The following MYT1L variants were observed in gnomAD, a reference collection of about 807,000 sequenced individuals.
MYT1L encodes the protein myelin transcription factor 1-like protein.
In MYT1L, 12 loss-of-function variants were observed where a neutral mutation model predicts 126.7. The ratio of observed to expected loss-of-function variants is 0.09; its 90% confidence interval spans 0.06 to 0.15. MYT1L has a LOEUF of 0.15. Among genes scored for constraint, MYT1L ranks in the 10% least tolerant of loss-of-function variants. The pLI is 1.00. For missense variants in MYT1L, 979 were observed against 1,585.2 expected (o/e 0.62, Z 6.49); for synonymous variants, 541 against 604.2 (o/e 0.90, Z 1.53).
chr2:2,139,116 G>A (rs2083535606), intron 3 of MYT1L, among the ~76,000 whole-genome samples: 1 of 151,134 alleles, frequency 6.6e-6, no homozygotes, highest in South Asian at 2.1e-4. Context: ...TCTACCAAGA[G>A]GCGTGAATCT....
At chr2:2,308,767 C>A (rs1339091489) in intron 1 of MYT1L, among the ~76,000 whole-genome samples, 1 of 151,626 alleles carries the variant, frequency 6.6e-6, no homozygotes, top group African/African-American at 2.4e-5. Context: ...ACACTCTACC[C>A]ATACCTTCAG....
chr2:1,903,060 T>C lies in MYT1L; in HGVS notation c.2032+20A>G. ...TCAATGGCAACGTGTCTCTCATGTA[T>C]AAGAGTGTGCACCTCCTACCATCAT... On this transcript the variant is annotated intron_variant, in intron 14 of 24. Coordinates refer to ENST00000647738, the MANE Select transcript of MYT1L (RefSeq NM_001303052.2). 1.3e-6 allele frequency: 2 copies of C among 1,598,698 alleles called. No homozygotes were observed. The highest frequency in any genetic ancestry group is 1.7e-6 in the Non-Finnish European group (2 of 1,165,984).
At chr2:2,178,258 G>A (rs937425006) in intron 2 of MYT1L, among the ~76,000 whole-genome samples, 2 of 152,070 alleles carry the variant, frequency 1.3e-5, no homozygotes, top group South Asian at 2.1e-4. Context: ...CACTCCCAAA[G>A]TCACGTAATA....
At position 2,023,295 on chromosome 2, in the gene MYT1L, G is replaced by A. The variant is rs569183360; in HGVS notation, c.-157-25948C>T. Among the ~76,000 whole-genome samples, 30 of 152,268 alleles carry A rather than the reference G, an allele frequency of 2.0e-4. No individual in the cohort carries two copies. The East Asian group carries it at 4.8e-3, about 25-fold the overall frequency. On this transcript the variant is annotated intron_variant, in intron 4 of 24. Transcript: ENST00000647738. ...GTGTTGGGCTGGACTGCATAGACTC[G>A]TGCATGAACTGTTCATCTCAGCTGT...
chr2:1,861,181 G>A (rs976095697), intron 18 of MYT1L, among the ~76,000 whole-genome samples: 1 of 152,192 alleles, frequency 6.6e-6, no homozygotes, highest in Non-Finnish European at 1.5e-5. Flanking sequence ...GAGGGGTCCT[G>A]AGGGCAGCGA....
chr2:1,847,611 G>C (rs762886795), intron 19 of MYT1L, among the ~76,000 whole-genome samples: 11 of 152,096 alleles, frequency 7.2e-5, no homozygotes, highest in Non-Finnish European at 1.3e-4. Flanking sequence ...GTGGGCCTGG[G>C]GGGTCGGAAA....
At chr2:2,021,367 C>T (rs2065012989) in intron 4 of MYT1L, among the ~76,000 whole-genome samples, 1 of 152,128 alleles carries the variant, frequency 6.6e-6, no homozygotes, top group South Asian at 2.1e-4. Context: ...TGATTTCTAG[C>T]AGTGGCAGGA....
intron 1 of MYT1L, among the ~76,000 whole-genome samples, chr2:2,285,973 C>T (rs1417665194): frequency 6.9e-6 from 1 of 144,884 alleles, no homozygotes; most frequent in Non-Finnish European, 1.6e-5. Context: ...GTTCTTCACT[C>T]TTCTTCTTCT....
intron 18 of MYT1L, among the ~76,000 whole-genome samples, chr2:1,855,532 G>C (rs926010270): frequency 2.0e-5 from 3 of 152,204 alleles, no homozygotes; most frequent in Non-Finnish European, 2.9e-5. Context: ...AGCAGAGTGG[G>C]GTTGGAAAGA....
chr2:1,990,557 T>G (rs114818184), intron 5 of MYT1L, among the ~76,000 whole-genome samples: 3,690 of 152,178 alleles, frequency 0.024, 44 homozygotes, highest in South Asian at 0.045. Flanking sequence ...CCTCCCAGGG[T>G]CACACCCTGC....
At chr2:1,813,823 C>T (rs1246146095) in intron 21 of MYT1L, among the ~76,000 whole-genome samples, 6 of 135,188 alleles carry the variant, frequency 4.4e-5, no homozygotes, top group Non-Finnish European at 7.9e-5. Flanking sequence ...GTCAGGAGAT[C>T]GAGACCATCC....
At chr2:2,020,036 G>C (rs1004845288) in intron 4 of MYT1L, among the ~76,000 whole-genome samples, 30 of 151,920 alleles carry the variant, frequency 2.0e-4, no homozygotes, top group African/African-American at 7.0e-4. Flanking sequence ...GTAGAGACGA[G>C]GTTTCACCAT....
chr2:2,246,585 G>A (rs969931414), intron 2 of MYT1L, among the ~76,000 whole-genome samples: 3 of 152,188 alleles, frequency 2.0e-5, no homozygotes, highest in African/African-American at 4.8e-5. Flanking sequence ...TAACTAAATC[G>A]AAGCAACAGA....
chr2:1,871,226 G>T (rs1443876905), intron 18 of MYT1L, among the ~76,000 whole-genome samples: 1 of 152,228 alleles, frequency 6.6e-6, no homozygotes, highest in African/African-American at 2.4e-5. Context: ...CTACTCTTAG[G>T]CAACTAATTT....
intron 4 of MYT1L, among the ~76,000 whole-genome samples, chr2:2,015,627 G>C (rs948242022): frequency 6.6e-6 from 1 of 152,144 alleles, no homozygotes; most frequent in Non-Finnish European, 1.5e-5. Context: ...AGCTGCTCTG[G>C]CTTTGCAGCT....
chr2:1,965,386 C>T (rs112240075), intron 8 of MYT1L, among the ~76,000 whole-genome samples: 9 of 121,410 alleles, frequency 7.4e-5, no homozygotes, highest in Admixed American at 1.8e-4. Flanking sequence ...CTTGCAGGGA[C>T]CAGGCAGGGA....
chr2:1,843,085 A>G (rs1572775616), intron 19 of MYT1L, among the ~76,000 whole-genome samples: 1 of 152,208 alleles, frequency 6.6e-6, no homozygotes, highest in Non-Finnish European at 1.5e-5. Flanking sequence ...AGGCCCCGCC[A>G]TCCTCGCTGG....
chr2:2,103,165 C>T (rs933854048), intron 3 of MYT1L, among the ~76,000 whole-genome samples: 1 of 151,932 alleles, frequency 6.6e-6, no homozygotes, highest in Non-Finnish European at 1.5e-5. Context: ...AATCTCTGCA[C>T]GTGGGTAAAA....
rs756426615 is a variant in MYT1L at position 1,889,414 on chromosome 2, G to T, written c.2347C>A (p.Arg783=). Residue 783 remains arginine, a synonymous_variant, in exon 16 of 25, where the codon CGG becomes AGG. Coordinates refer to ENST00000647738, the MANE Select transcript of MYT1L (RefSeq NM_001303052.2). This position sits in a 1 kb window ranked among gnomAD's most constrained non-coding sequence, Gnocchi z 4.1. Reference sequence around the variant, plus strand: ...GTCAGGATGGGGCAGCAGCTGTCCCGCGGCCTCTGCTTGTTCATGCTGAGG... The same window carrying T: ...GTCAGGATGGGGCAGCAGCTGTCCCTCGGCCTCTGCTTGTTCATGCTGAGG... ...LDLSMNKQRP[R]DSCCPILTPL... is the part of the protein sequence containing the mutation. 13 of 1,613,576 alleles carry T rather than the reference G, an allele frequency of 8.1e-6. No individual in the cohort carries two copies. The highest frequency in any genetic ancestry group is 1.6e-4 in the Middle Eastern group (1 of 6,082).
Sources: allele counts gnomAD v4.1 joint callset (sites outside exome capture counted in the v4.1 genomes callset), GRCh38; gene constraint gnomAD v4.1.1; non-coding constraint Gnocchi (gnomAD v3.1); transcripts MANE v1.5; gene names NCBI Gene and HGNC (gene_info 2026-07-23, HGNC 2026-07-21).